Variants in DIP2C observed in about 807,000 individuals in gnomAD.
The protein encoded by DIP2C is DIP2 acetate--CoA ligase C (putative).
In DIP2C, 33 loss-of-function variants were observed where a neutral mutation model predicts 192.4. The ratio of observed to expected loss-of-function variants is 0.17; its 90% confidence interval spans 0.13 to 0.23. The LOEUF (loss-of-function observed/expected upper bound fraction) is 0.23. Ranked by LOEUF, DIP2C falls within the 10% of genes least tolerant of loss-of-function variation. DIP2C has a pLI of 1.00. For synonymous variants in DIP2C, 979 were observed against 864.1 expected, an observed-to-expected ratio of 1.13 and a Z score of -2.33; for missense variants, 1,537 against 2,110.1, an observed-to-expected ratio of 0.73 and a Z score of 5.32.
chr10:367,400 GC>G (rs1960402350), intron 18 of DIP2C, among the ~76,000 whole-genome samples: 1 of 150,458 alleles, frequency 6.6e-6, no homozygotes, highest in Non-Finnish European at 1.5e-5. Context: ...CTGGGCGACA[GC>G]GAGACTCCGT....
intron 29 of DIP2C, among the ~76,000 whole-genome samples, chr10:340,096 G>A (rs1400317990): frequency 2.6e-5 from 4 of 151,764 alleles, no homozygotes; most frequent in East Asian, 1.9e-4. Context: ...CATGAGAATC[G>A]CTGGAACCCA....
chr10:650,661 G>C (rs979467083), intron 1 of DIP2C: 1 of 618,570 alleles, frequency 1.6e-6, no homozygotes, highest in Non-Finnish European at 2.9e-6. Flanking sequence ...TCCACAGCAC[G>C]TGAGCTGGCA....
At chr10:540,859 CA>C (rs1341820206) in intron 1 of DIP2C, among the ~76,000 whole-genome samples, 2 of 152,174 alleles carry the variant, frequency 1.3e-5, no homozygotes, top group Admixed American at 6.5e-5. Flanking sequence ...TAAAGTCTTT[CA>C]AGGGTTTTGA....
At chr10:291,580 A>G (rs1293201734) in intron 32 of DIP2C, among the ~76,000 whole-genome samples, 2 of 152,156 alleles carry the variant, frequency 1.3e-5, no homozygotes, top group Non-Finnish European at 1.5e-5. Flanking sequence ...TGTGCAAAGA[A>G]CTCATAGAAA....
intron 3 of DIP2C, among the ~76,000 whole-genome samples, chr10:464,375 C>T (rs575795735): frequency 6.7e-6 from 1 of 150,012 alleles, no homozygotes; most frequent in East Asian, 1.9e-4. Context: ...ATGTGGCCAA[C>T]AAACTTAGAA....
At chr10:682,995 A>G (rs755735700) in intron 1 of DIP2C, among the ~76,000 whole-genome samples, 16 of 152,196 alleles carry the variant, frequency 1.1e-4, no homozygotes, top group Non-Finnish European at 1.9e-4. Context: ...CCCCATTTTC[A>G]TACCTACTGC....
intron 1 of DIP2C, among the ~76,000 whole-genome samples, chr10:602,559 G>C (rs1852161009): frequency 6.6e-6 from 1 of 152,204 alleles, no homozygotes; most frequent in South Asian, 2.1e-4. Flanking sequence ...GAGGCCCAGT[G>C]AGATGTTGCC....
At chr10:311,956 T>C (rs1956585624) in intron 31 of DIP2C, among the ~76,000 whole-genome samples, 1 of 152,136 alleles carries the variant, frequency 6.6e-6, no homozygotes, top group Non-Finnish European at 1.5e-5. Flanking sequence ...TTTCATTTGC[T>C]AAATCTGTTG....
At chr10:507,702 G>T (rs918079296) in intron 1 of DIP2C, among the ~76,000 whole-genome samples, 1 of 152,164 alleles carries the variant, frequency 6.6e-6, no homozygotes, top group African/African-American at 2.4e-5. Flanking sequence ...GCGCACAGGT[G>T]AGTTTGTTCC....
intron 1 of DIP2C, among the ~76,000 whole-genome samples, chr10:580,260 A>G (rs754657777): frequency 3.9e-5 from 6 of 152,154 alleles, no homozygotes; most frequent in Non-Finnish European, 7.4e-5. Context: ...AAGTATGTAC[A>G]TATGCAGTAC....
intron 2 of DIP2C, among the ~76,000 whole-genome samples, chr10:479,743 G>A (rs1843448961): frequency 6.6e-6 from 1 of 152,212 alleles, no homozygotes; most frequent in Non-Finnish European, 1.5e-5. Flanking sequence ...AACTTGATTA[G>A]GGACTCATAC....
chr10:558,175 A>G (rs1216087618), intron 1 of DIP2C, among the ~76,000 whole-genome samples: 4 of 152,174 alleles, frequency 2.6e-5, no homozygotes, highest in Non-Finnish European at 5.9e-5. Flanking sequence ...ACTAACTATG[A>G]TAAAGACTAG....
chr10:364,595 G>GCATC lies in DIP2C; in HGVS notation c.2269-17_2269-14dup. Reference sequence around the variant, plus strand: ...TCATGGGAAACACCTGGGGGAAACAGCATCCATCAGGCCACTGTTCATGTG... The same window carrying GCATC: ...TCATGGGAAACACCTGGGGGAAACAGCATCCATCCATCAGGCCACTGTTCATGTG... On this transcript the variant is annotated splice_polypyrimidine_tract_variant and intron_variant, in intron 19 of 36. Transcript: ENST00000280886. 6.2e-7 allele frequency: 1 copy of GCATC among 1,611,918 alleles called. No homozygotes were observed. The highest frequency in any genetic ancestry group is 8.5e-7 in the Non-Finnish European group (1 of 1,178,278).
intron 31 of DIP2C, among the ~76,000 whole-genome samples, chr10:320,799 G>A (rs1445942739): frequency 6.6e-6 from 1 of 152,168 alleles, no homozygotes; most frequent in East Asian, 1.9e-4. Flanking sequence ...CTGTAAAACA[G>A]CTACTCACAG....
chr10:621,675 C>T (rs894867776), intron 1 of DIP2C, among the ~76,000 whole-genome samples: 3 of 152,196 alleles, frequency 2.0e-5, no homozygotes, highest in South Asian at 2.1e-4. Context: ...CTCACCCTTC[C>T]GCCTCCATCC....
chr10:333,296 T>C (rs1957584582), intron 29 of DIP2C, among the ~76,000 whole-genome samples: 1 of 152,314 alleles, frequency 6.6e-6, no homozygotes, highest in Middle Eastern at 3.4e-3. Context: ...TTTAATAAAA[T>C]TGAAGAGTTG....
At chr10:357,448 C>T (rs552721026) in intron 23 of DIP2C, among the ~76,000 whole-genome samples, 1 of 152,186 alleles carries the variant, frequency 6.6e-6, no homozygotes, top group Non-Finnish European at 1.5e-5. Flanking sequence ...GTGCGCGGGA[C>T]AAGGACTGCC....
intron 2 of DIP2C, among the ~76,000 whole-genome samples, chr10:475,605 A>G (rs983316128): frequency 2.0e-5 from 3 of 152,210 alleles, no homozygotes; most frequent in African/African-American, 4.8e-5. Flanking sequence ...ATCCTCGTGA[A>G]TATCTCCTAA....
chr10:285,506 G>A (rs928675255), intron 34 of DIP2C, among the ~76,000 whole-genome samples: 1 of 152,236 alleles, frequency 6.6e-6, no homozygotes, highest in African/African-American at 2.4e-5. Context: ...TGCTGCCACC[G>A]TGGGAGGAGG....
Sources: gnomAD v4.1 joint callset for allele counts (sites outside exome capture counted in the v4.1 genomes callset) on GRCh38, gnomAD v4.1.1 for gene constraint, MANE v1.5 for transcripts, NCBI Gene and HGNC (gene_info 2026-07-23, HGNC 2026-07-21) for gene names.